The following ANKRD12 variants were observed in gnomAD, a reference collection of about 807,000 sequenced individuals.
ANKRD12 encodes the protein ankyrin repeat domain-containing protein 12.
A neutral mutation model predicts 183.4 loss-of-function variants in ANKRD12; 85 were observed. The observed-to-expected ratio is 0.46, with a 90% CI of 0.39 to 0.56. The LOEUF is 0.56. ANKRD12 is among the 20% of genes least tolerant of loss of function. ANKRD12 has a pLI of 0.00. For missense variants in ANKRD12, 2,405 were observed against 2,357.1 expected, an observed-to-expected ratio of 1.02 and a Z score of -0.42; for synonymous variants, 914 against 800.2, an observed-to-expected ratio of 1.14 and a Z score of -2.40.
At chr18:9,230,130 C>G (rs1251485766) in intron 8 of ANKRD12, among the ~76,000 whole-genome samples, 1 of 152,104 alleles carries the variant, frequency 6.6e-6, no homozygotes, top group Non-Finnish European at 1.5e-5. Context: ...TCCATCTGGT[C>G]CCCAGCTTTT....
chr18:9,251,699 CAGG>C (rs2038309035), intron 8 of ANKRD12, among the ~76,000 whole-genome samples: 1 of 152,018 alleles, frequency 6.6e-6, no homozygotes, highest in Admixed American at 6.5e-5. Flanking sequence ...GAGGCTGAGA[CAGG>C]AGAACTGCTT....
intron 9 of ANKRD12, among the ~76,000 whole-genome samples, chr18:9,261,351 A>G (rs1287574710): frequency 1.3e-5 from 2 of 152,240 alleles, no homozygotes; most frequent in Non-Finnish European, 1.5e-5. Context: ...TTCACTGCAG[A>G]ACTTACCAGA....
intron 10 of ANKRD12, among the ~76,000 whole-genome samples, chr18:9,267,593 A>G (rs150049905): frequency 0.014 from 2,061 of 152,304 alleles, 52 homozygotes; most frequent in African/African-American, 0.047. Flanking sequence ...GACACAACAT[A>G]CCAGAATCTC....
At chr18:9,160,125 G>A (rs990550187) in intron 1 of ANKRD12, among the ~76,000 whole-genome samples, 1 of 151,900 alleles carries the variant, frequency 6.6e-6, no homozygotes, top group African/African-American at 2.4e-5. Context: ...CAAAATATTA[G>A]CTGGGTGTGG....
chr18:9,188,758 C>A (rs930134084), intron 2 of ANKRD12, among the ~76,000 whole-genome samples: 2 of 152,154 alleles, frequency 1.3e-5, no homozygotes, highest in Admixed American at 1.3e-4. Flanking sequence ...GATTAGTGAT[C>A]TTTGTTACTG....
intron 8 of ANKRD12, among the ~76,000 whole-genome samples, chr18:9,250,954 AAT>A (rs1350332506): frequency 1.2e-4 from 19 of 152,196 alleles, no homozygotes; most frequent in African/African-American, 4.3e-4. Flanking sequence ...GGAGTCCAGG[AAT>A]ATCCAGGTTA....
At chr18:9,180,191 C>CTT (rs1286278001) in intron 1 of ANKRD12, among the ~76,000 whole-genome samples, 1 of 152,122 alleles carries the variant, frequency 6.6e-6, no homozygotes, top group Non-Finnish European at 1.5e-5. Context: ...GTATTGACCC[C>CTT]TTTATCAATA....
chr18:9,251,364 A>C (rs1052924157), intron 8 of ANKRD12, among the ~76,000 whole-genome samples: 2 of 152,240 alleles, frequency 1.3e-5, no homozygotes, highest in African/African-American at 4.8e-5. Context: ...AGAGAATTCA[A>C]ATACATTTTC....
chr18:9,204,536 C>A lies in ANKRD12; in HGVS notation c.296C>A (p.Thr99Lys). ...WGERLISSYR[T>K]YSEKEGPEKK... ...GAGAGACTTATATCTTCTTACAGGA[C>A]ATACTCAGGTAATTAGATTATCAGG... The change falls in exon 4 of 13, where the codon ACA becomes AAA. Residue 99 changes from threonine to lysine, a missense_variant. By Grantham distance (78) the Thr-to-Lys change is moderately conservative (BLOSUM62 -1). Coordinates refer to ENST00000262126, the MANE Select transcript of ANKRD12 (RefSeq NM_015208.5). 1 of 1,586,784 alleles carries A rather than the reference C, an allele frequency of 6.3e-7. No individual in the cohort carries two copies.
rs1020816824 is a variant in ANKRD12 at position 9,242,111 on chromosome 18, T to C, written c.944-12100T>C. Among the ~76,000 whole-genome samples, 6 of 152,236 alleles carry C rather than the reference T, an allele frequency of 3.9e-5. No individual in the cohort carries two copies. In the South Asian group the frequency reaches 1.2e-3, roughly 32 times the overall value. The stretch of plus-strand genomic sequence containing the variant: ...TTCTGCTTGCAGCTGCAGTGTTTTC[T>C]GGATGGCTGCAAATTAATGTAAGTC... On this transcript the variant is annotated intron_variant, in intron 8 of 12. Coordinates refer to ENST00000262126, the MANE Select transcript of ANKRD12 (RefSeq NM_015208.5).
At chr18:9,212,167 C>G (rs898095690) in intron 6 of ANKRD12, among the ~76,000 whole-genome samples, 5 of 152,022 alleles carry the variant, frequency 3.3e-5, no homozygotes, top group Admixed American at 2.6e-4. Flanking sequence ...TTATTACTTT[C>G]ATTTTCATTA....
chr18:9,182,569 C>A, intron 2 of ANKRD12, 50 bp downstream of exon 2: 1 of 1,236,300 alleles, frequency 8.1e-7, no homozygotes, highest in South Asian at 1.4e-5. Context: ...GGGAAAAAGA[C>A]TCCCAATTAA....
chr18:9,252,843 T>C (rs1398821273), intron 8 of ANKRD12, among the ~76,000 whole-genome samples: 1 of 152,208 alleles, frequency 6.6e-6, no homozygotes, highest in East Asian at 1.9e-4. Context: ...TTTGTGATGT[T>C]TATATAATTA....
At chr18:9,274,236 G>C (rs1294045065) in intron 10 of ANKRD12, among the ~76,000 whole-genome samples, 1 of 152,144 alleles carries the variant, frequency 6.6e-6, no homozygotes, top group Non-Finnish European at 1.5e-5. Flanking sequence ...TCAAAATAAT[G>C]TTTATGCCAA....
chr18:9,251,474 A>G (rs1449660641), intron 8 of ANKRD12, among the ~76,000 whole-genome samples: 1 of 152,212 alleles, frequency 6.6e-6, no homozygotes, highest in Non-Finnish European at 1.5e-5. Context: ...AAATAATAAG[A>G]TGGAGCTTAA....
chr18:9,162,911 A>G lies in ANKRD12; in HGVS notation c.-51-19471A>G, dbSNP rs560177813. On this transcript the variant is annotated intron_variant, in intron 1 of 12. Transcript: ENST00000262126. ...GGGGTTGGTTGTTTTTTTCTTATAA[A>G]TTTAAGTTCCTTGTAGACTCTGGAT... Among the ~76,000 whole-genome samples the G allele has an allele frequency of 5.7e-4, 86 of 152,100 alleles. 1 individual carries two copies. The South Asian group carries it at 0.011, about 20-fold the overall frequency.
intron 8 of ANKRD12, among the ~76,000 whole-genome samples, chr18:9,225,745 C>A (rs377556253): frequency 8.5e-5 from 13 of 152,294 alleles, no homozygotes; most frequent in Admixed American, 3.9e-4. Flanking sequence ...TACCCACTTA[C>A]AATTTGTGCT....
chr18:9,256,174 T>C lies in ANKRD12; in HGVS notation c.2907T>C (p.Ser969=). The C allele has an allele frequency of 1.3e-6, 2 of 1,560,664 alleles. No homozygotes were observed. Among genetic ancestry groups the C allele is most frequent in the Non-Finnish European group, 1.7e-6 (2 of 1,163,250 alleles). The change falls in exon 9 of 13, where the codon AGT becomes AGC. Residue 969 remains serine, a synonymous_variant. Transcript: ENST00000262126. ...DKKEKSRDKE[S]INITNSKHIQ... ...AGGAAAAATCTAGAGATAAAGAAAGTATAAATATAACTAACTCCAAACACA... is the reference window on the plus strand; with the variant it reads ...AGGAAAAATCTAGAGATAAAGAAAGCATAAATATAACTAACTCCAAACACA...
At chr18:9,144,186 A>G (rs1281054208) in intron 1 of ANKRD12, among the ~76,000 whole-genome samples, 1 of 152,154 alleles carries the variant, frequency 6.6e-6, no homozygotes, top group Non-Finnish European at 1.5e-5. Flanking sequence ...AATAATTTAA[A>G]TAATATTTTA....
Sources: allele counts gnomAD v4.1 joint callset (sites outside exome capture counted in the v4.1 genomes callset), GRCh38; gene constraint gnomAD v4.1.1; transcripts MANE v1.5; gene names NCBI Gene and HGNC (gene_info 2026-07-23, HGNC 2026-07-21).